The following GRIK2 variants were observed in gnomAD, a reference collection of about 807,000 sequenced individuals.
The protein encoded by GRIK2 is glutamate ionotropic receptor kainate type subunit 2.
In GRIK2, 32 loss-of-function variants were observed where a neutral mutation model predicts 100.3. The ratio of observed to expected loss-of-function variants is 0.32; its 90% CI spans 0.24 to 0.43. The LOEUF is 0.43. GRIK2 is among the 20% of genes least tolerant of loss of function. The pLI is 1.00. For synonymous variants in GRIK2, 417 were observed against 389.4 expected (o/e 1.07, Z -0.83); for missense variants, 843 against 1,114.9 (o/e 0.76, Z 3.47).
At chr6:101,795,191 G>T (rs2128410949) in intron 7 of GRIK2, among the ~76,000 whole-genome samples, 1 of 152,122 alleles carries the variant, frequency 6.6e-6, no homozygotes, top group South Asian at 2.1e-4. Flanking sequence ...TTTTTGGATG[G>T]ATTTTCATAA....
chr6:101,415,585 T>C (rs1387355385), intron 2 of GRIK2, among the ~76,000 whole-genome samples: 1 of 151,978 alleles, frequency 6.6e-6, no homozygotes, highest in Non-Finnish European at 1.5e-5. Context: ...TTAGCCAGGA[T>C]AGTCTTGATC....
At chr6:101,892,668 T>A (rs2852625) in intron 12 of GRIK2, among the ~76,000 whole-genome samples, 17,542 of 151,948 alleles carry the variant, frequency 0.12, 1,083 homozygotes, top group Middle Eastern at 0.19. Flanking sequence ...AAAAATAAGT[T>A]TAAATCATCA....
chr6:101,722,137 C>A (rs1486373395), intron 7 of GRIK2, among the ~76,000 whole-genome samples: 1 of 151,880 alleles, frequency 6.6e-6, no homozygotes, highest in Non-Finnish European at 1.5e-5. Context: ...ACATCCTGAA[C>A]ATTTCTGAAA....
At chr6:101,993,773 A>G (rs947223017) in intron 14 of GRIK2, 3 of 148,746 alleles carry the variant, frequency 2.0e-5, no homozygotes, top group African/African-American at 4.9e-5. Flanking sequence ...CTATATATGC[A>G]TGCTTCTATA....
chr6:101,969,524 A>G (rs1177021129), intron 14 of GRIK2, among the ~76,000 whole-genome samples: 1 of 152,088 alleles, frequency 6.6e-6, no homozygotes, highest in Non-Finnish European at 1.5e-5. Flanking sequence ...TCAACTCATA[A>G]AAATAACAAA....
chr6:101,656,619 T>G (rs1176219871), intron 4 of GRIK2, among the ~76,000 whole-genome samples: 4 of 152,154 alleles, frequency 2.6e-5, no homozygotes, highest in Non-Finnish European at 5.9e-5. Flanking sequence ...CGCCCTTTGA[T>G]AGTTAAACTG....
intron 2 of GRIK2, among the ~76,000 whole-genome samples, chr6:101,447,057 GTA>G (rs546858528): frequency 2.7e-5 from 4 of 148,034 alleles, no homozygotes; most frequent in Admixed American, 6.8e-5. Flanking sequence ...TTATGTTTGT[GTA>G]TATATATATT....
At chr6:101,426,013 G>A (rs1776680513) in intron 2 of GRIK2, among the ~76,000 whole-genome samples, 1 of 152,166 alleles carries the variant, frequency 6.6e-6, no homozygotes, top group African/African-American at 2.4e-5. Flanking sequence ...AAAGCTTGGA[G>A]GCATCTTTGA....
chr6:101,863,396 C>T (rs1303042559), intron 11 of GRIK2, among the ~76,000 whole-genome samples: 2 of 152,100 alleles, frequency 1.3e-5, no homozygotes, highest in South Asian at 4.1e-4. Flanking sequence ...AATGTCCATC[C>T]CCAGAGTTCT....
chr6:101,729,673 A>G (rs995283038), intron 7 of GRIK2, among the ~76,000 whole-genome samples: 6 of 150,958 alleles, frequency 4.0e-5, no homozygotes, highest in Non-Finnish European at 7.4e-5. Context: ...GATCACTGAA[A>G]TAAGACCGTG....
intron 11 of GRIK2, among the ~76,000 whole-genome samples, chr6:101,882,748 A>C (rs1786342374): frequency 6.6e-6 from 1 of 152,136 alleles, no homozygotes; most frequent in South Asian, 2.1e-4. Context: ...CTGCAAATAC[A>C]TATTAGATTT....
At chr6:102,058,973 T>C (rs965854032) in intron 16 of GRIK2, among the ~76,000 whole-genome samples, 1 of 151,256 alleles carries the variant, frequency 6.6e-6, no homozygotes, top group African/African-American at 2.4e-5. Flanking sequence ...CTTTTAATGA[T>C]GATAAAATTA....
rs755522043 is a variant in GRIK2, at chr6:101,998,812, C to CTTTTTTTTTTTTTT, written c.2086-36523_2086-36510dup. On this transcript the variant is annotated intron_variant, in intron 14 of 16. Transcript: ENST00000369134. ...TGTGTGAGTTTTTCTTTTTTCTTTT[C>CTTTTTTTTTTTTTT]TTTTTTTTTTTTTTTTTTTGAGTTG... Among the ~76,000 whole-genome samples the CTTTTTTTTTTTTTT allele has an allele frequency of 7.7e-4, 85 of 110,060 alleles. 1 individual carries two copies. The highest frequency in any genetic ancestry group is 9.4e-4 in the Non-Finnish European group (52 of 55,420). 72.2% of individuals were successfully genotyped at this position (110,060 alleles called of 152,430 possible). A position where few individuals can be genotyped will look rare whatever the true frequency, so the allele number is the denominator to read the frequency against.
intron 2 of GRIK2, among the ~76,000 whole-genome samples, chr6:101,506,777 T>C (rs904648328): frequency 2.6e-5 from 4 of 152,140 alleles, no homozygotes; most frequent in Non-Finnish European, 5.9e-5. Flanking sequence ...GATCTGTGAA[T>C]TGGGTAAAGA....
rs151065001 is a variant in GRIK2 at position 102,063,971 on chromosome 6, A to G, written c.2563-4376A>G. 1.9e-5 allele frequency: 29 copies of G among 1,504,934 alleles called. No individual in the cohort carries two copies. In the African/African-American group the frequency reaches 3.5e-4, roughly 18 times the overall value. The allele number at this position is 1,504,934 out of a possible 1,614,324, so 93.2% of individuals were successfully genotyped here. A position where few individuals can be genotyped will look rare whatever the true frequency, so the allele number is the denominator to read the frequency against. On this transcript the variant is annotated intron_variant, in intron 16 of 16. Coordinates refer to ENST00000369134, the MANE Select transcript of GRIK2 (RefSeq NM_021956.5). The stretch of plus-strand genomic sequence containing the variant: ...AAATTTTCATTTTCAGGAATCTTCT[A>G]TTTGGTTAGTGCCACCATACCATCC...
At chr6:101,940,039 T>G (rs1790863542) in intron 14 of GRIK2, among the ~76,000 whole-genome samples, 1 of 152,078 alleles carries the variant, frequency 6.6e-6, no homozygotes, top group African/African-American at 2.4e-5. Context: ...AGAAGCCCCC[T>G]TGGAAATTTA....
At chr6:101,915,117 G>GA (rs888751580) in intron 12 of GRIK2, among the ~76,000 whole-genome samples, 4 of 151,238 alleles carry the variant, frequency 2.6e-5, no homozygotes, top group Non-Finnish European at 5.9e-5. Flanking sequence ...TACAATTAAA[G>GA]AAAAAATGAT....
At chr6:101,662,677 A>G (rs1247919878) in intron 4 of GRIK2, among the ~76,000 whole-genome samples, 2 of 152,140 alleles carry the variant, frequency 1.3e-5, no homozygotes, top group Admixed American at 6.5e-5. Context: ...CTATTTCTAC[A>G]GTAATCACCC....
intron 2 of GRIK2, among the ~76,000 whole-genome samples, chr6:101,534,135 TTA>T (rs1363465672): frequency 1.2e-5 from 1 of 84,152 alleles, no homozygotes; most frequent in African/African-American, 4.4e-5. Flanking sequence ...ACACATAGTT[TTA>T]TTTTTTTTTT....
Sources: allele counts gnomAD v4.1 joint callset (sites outside exome capture counted in the v4.1 genomes callset), GRCh38; gene constraint gnomAD v4.1.1; transcripts MANE v1.5; gene names NCBI Gene and HGNC (gene_info 2026-07-23, HGNC 2026-07-21).